ERN1: variants seen among roughly 807,000 people sequenced by gnomAD.
ERN1 encodes endoplasmic reticulum to nucleus signaling 1.
ERN1 carries 39 observed loss-of-function variants against 113.1 expected under a neutral mutation model. The observed-to-expected ratio is 0.34, with a 90% CI of 0.27 to 0.45. The LOEUF is 0.45. Among genes scored for constraint, ERN1 ranks in the 20% least tolerant of loss-of-function variants. The pLI is 1.00. For synonymous variants in ERN1, 507 were observed against 515.9 expected (o/e 0.98, Z 0.23); for missense variants, 976 against 1,274.8 (o/e 0.77, Z 3.57).
chr17:64,096,741 T>C (rs181413499), intron 2 of ERN1, among the ~76,000 whole-genome samples: 5 of 152,332 alleles, frequency 3.3e-5, no homozygotes, highest in African/African-American at 1.2e-4. Context: ...TTAATTCTTA[T>C]GTTTGACTAA....
rs370740826 is a variant in ERN1 at position 64,049,040 on chromosome 17, C to A, written c.2401+15G>T. 1.4e-5 allele frequency: 22 copies of A among 1,572,154 alleles called. No homozygotes were observed. The African/African-American group carries it at 2.7e-4, about 19-fold the overall frequency. On this transcript the variant is annotated intron_variant, in intron 18 of 21. Transcript: ENST00000433197. This position sits in a 1 kb window ranked among gnomAD's most constrained non-coding sequence, Gnocchi z 4.7. ...CTGAGGAGCTGCTCCCAACCCCAAC[C>A]CCTGGACCGCTCACCGTGCTTCTCT...
chr17:64,071,021 G>A (rs1433237112), intron 6 of ERN1, among the ~76,000 whole-genome samples: 1 of 152,228 alleles, frequency 6.6e-6, no homozygotes, highest in African/African-American at 2.4e-5. Context: ...GAGGGAGGCA[G>A]GAAGTAGGCA....
At chr17:64,120,475 G>A in intron 1 of ERN1, among the ~76,000 whole-genome samples, 1 of 152,172 alleles carries the variant, frequency 6.6e-6, no homozygotes, top group East Asian at 1.9e-4. Context: ...ATCTGACAGA[G>A]AGGGGGGAAA....
At chr17:64,048,102 TC>T (rs1483113847) in intron 18 of ERN1, 117 bp from the exon 19 acceptor site, 1 of 965,378 alleles carries the variant, frequency 1.0e-6, no homozygotes, top group Non-Finnish European at 1.5e-6. Context: ...AGGAATTTAT[TC>T]CAATAAAATA....
rs1470572306 is a variant in ERN1, at chr17:64,042,828, C to G, written c.*1160G>C. The G allele has an allele frequency of 6.6e-6, 1 of 152,008 alleles. No homozygotes were observed. Among genetic ancestry groups the G allele is most frequent in the African/African-American group, 2.4e-5 (1 of 41,370 alleles). 9.4% of individuals were successfully genotyped at this position (152,008 alleles called of 1,614,324 possible). Reference sequence around the variant, plus strand: ...TTGAGGGGATGGTGATTTTTGGTACCACAAAAAATAGAAGATGTATTCTAT... The same window carrying G: ...TTGAGGGGATGGTGATTTTTGGTACGACAAAAAATAGAAGATGTATTCTAT... On this transcript the variant is annotated 3_prime_UTR_variant, in exon 22 of 22. Coordinates refer to ENST00000433197, the MANE Select transcript of ERN1 (RefSeq NM_001433.5).
chr17:64,124,846 T>C (rs574192936), intron 1 of ERN1, among the ~76,000 whole-genome samples: 3 of 152,304 alleles, frequency 2.0e-5, no homozygotes, highest in South Asian at 4.1e-4. Flanking sequence ...CTTGAGAACA[T>C]GATGCTAAGT....
At chr17:64,078,425 C>T (rs1396012115) in intron 4 of ERN1, among the ~76,000 whole-genome samples, 1 of 151,968 alleles carries the variant, frequency 6.6e-6, no homozygotes, top group African/African-American at 2.4e-5. Flanking sequence ...ACTACAAATA[C>T]TTTGTGGCCT....
chr17:64,104,948 G>A (rs561721564), intron 1 of ERN1, among the ~76,000 whole-genome samples: 2 of 152,058 alleles, frequency 1.3e-5, no homozygotes, highest in South Asian at 4.2e-4. Flanking sequence ...ACTTAACGAG[G>A]TTTATAATCT....
At chr17:64,119,395 T>TTTTTTTTTTTTTTTG (rs1914896784) in intron 1 of ERN1, among the ~76,000 whole-genome samples, 1 of 141,908 alleles carries the variant, frequency 7.0e-6, no homozygotes, top group African/African-American at 2.6e-5. Flanking sequence ...TTTTTTTTTT[T>TTTTTTTTTTTTTTTG]TTTTTTTTTT....
intron 2 of ERN1, among the ~76,000 whole-genome samples, chr17:64,085,763 G>C (rs1913904950): frequency 6.6e-6 from 1 of 152,168 alleles, no homozygotes. Context: ...CATTAGTGGA[G>C]ATACCATGAT....
At chr17:64,111,494 TACAGGC>T (rs1404316975) in intron 1 of ERN1, among the ~76,000 whole-genome samples, 1 of 152,198 alleles carries the variant, frequency 6.6e-6, no homozygotes, top group African/African-American at 2.4e-5. Flanking sequence ...TAGCTGGGAT[TACAGGC>T]ACATGCCACC....
chr17:64,066,760 G>A lies in ERN1; in HGVS notation c.753C>T (p.Arg251=). The A allele has an allele frequency of 3.1e-6, 5 of 1,613,962 alleles. No individual in the cohort carries two copies. Among genetic ancestry groups the A allele is most frequent in the Non-Finnish European group, 4.2e-6 (5 of 1,179,878 alleles). ...CCTCCCCAGACATGAAGGTCAGATA[G>A]CGCAGGGTCTCCACAGCGACATTGA... ...MHINVAVETL[R]YLTFMSGEVG... is the part of the protein sequence containing the mutation. Residue 251 remains arginine (R), a synonymous_variant, in exon 8 of 22, where the codon CGC becomes CGT. Transcript: ENST00000433197.
intron 19 of ERN1, among the ~76,000 whole-genome samples, chr17:64,047,239 G>C (rs1375623444): frequency 1.3e-5 from 2 of 152,176 alleles, no homozygotes; most frequent in Non-Finnish European, 2.9e-5. Context: ...GTGCATATCT[G>C]TAATCCCAGC....
intron 11 of ERN1, among the ~76,000 whole-genome samples, chr17:64,058,644 C>T (rs184940532): frequency 2.0e-5 from 3 of 151,988 alleles, no homozygotes; most frequent in African/African-American, 4.8e-5. Flanking sequence ...TAAGACTTCA[C>T]GGAACAGGCA....
At chr17:64,067,712 G>C (rs1208452728) in intron 7 of ERN1, 1 of 153,962 alleles carries the variant, frequency 6.5e-6, no homozygotes, top group African/African-American at 2.4e-5. Context: ...AAATATTCTA[G>C]GTCCTTGACA....
intron 1 of ERN1, among the ~76,000 whole-genome samples, chr17:64,115,671 A>G (rs1273412734): frequency 6.6e-6 from 1 of 152,232 alleles, no homozygotes; most frequent in Non-Finnish European, 1.5e-5. Flanking sequence ...ACAAAACCAA[A>G]GTTCCTCAGG....
At chr17:64,046,873 A>G (rs1246130884) in intron 19 of ERN1, among the ~76,000 whole-genome samples, 1 of 152,248 alleles carries the variant, frequency 6.6e-6, no homozygotes, top group Admixed American at 6.5e-5. Context: ...GTTATGTTCA[A>G]TTCATACATG....
In ERN1 at chr17:64,075,201, C is replaced by A; in HGVS notation, c.329G>T (p.Arg110Leu). Residue 110 changes from arginine to leucine, a missense_variant, in exon 5 of 22, where the codon CGA becomes CTA. By Grantham distance (102) the Arg-to-Leu change is moderately radical. Around this residue, in one of 5 missense-constraint regions of ERN1, gnomAD observed 459 missense variants for 581.2 expected, o/e 0.79. Transcript: ENST00000433197. ...IPELVQASPC[R>L]SSDGILYMGK... ...CATGTAGAGGATTCCATCTGAACTT[C>A]GGCATGGGGATGCCTGCACCAATTC... The A allele has an allele frequency of 6.6e-7, 1 of 1,526,582 alleles. No homozygotes were observed. The highest frequency in any genetic ancestry group is 1.2e-5 in the South Asian group (1 of 81,316). The allele number at this position is 1,526,582 out of a possible 1,614,324, so 94.6% of individuals were successfully genotyped here. A position where few individuals can be genotyped will look rare whatever the true frequency, so the allele number is the denominator to read the frequency against.
intron 18 of ERN1, 109 bp from the exon 19 acceptor site, chr17:64,048,094 G>A: frequency 9.9e-7 from 1 of 1,008,656 alleles, no homozygotes; most frequent in Non-Finnish European, 1.4e-6. Flanking sequence ...CTATTTACAG[G>A]AATTTATTCC....
Sources: allele counts gnomAD v4.1 joint callset (sites outside exome capture counted in the v4.1 genomes callset), GRCh38; gene constraint gnomAD v4.1.1; regional missense constraint gnomAD v4.1.1; non-coding constraint Gnocchi (gnomAD v3.1); transcripts MANE v1.5; gene names NCBI Gene and HGNC (gene_info 2026-07-23, HGNC 2026-07-21).